CCDC102A: variants seen among roughly 807,000 people sequenced by gnomAD.
The protein encoded by CCDC102A is coiled-coil domain-containing protein 102A.
In CCDC102A, 40 loss-of-function variants were observed where a neutral mutation model predicts 55.5. The observed-to-expected ratio is 0.72, with a 90% CI of 0.56 to 0.94. The LOEUF is 0.94. Ranked by LOEUF, CCDC102A falls within the 40% of genes least tolerant of loss-of-function variation. The pLI, the probability that CCDC102A is intolerant of heterozygous loss-of-function variation, is 0.00. For synonymous variants in CCDC102A, 323 were observed against 339.0 expected (o/e 0.95, Z 0.52); for missense variants, 779 against 768.6 (o/e 1.01, Z -0.16).
chr16:57,520,366 T>G (rs1297780992), intron 4 of CCDC102A, among the ~76,000 whole-genome samples: 1 of 152,098 alleles, frequency 6.6e-6, no homozygotes, highest in African/African-American at 2.4e-5. Context: ...AAATGCCACC[T>G]TCTTAGGCCT....
intron 5 of CCDC102A, 133 bp downstream of exon 5, chr16:57,518,492 G>A: frequency 1.2e-6 from 1 of 829,688 alleles, no homozygotes; most frequent in South Asian, 1.6e-5. Context: ...TGCAGATCAG[G>A]ACACCATTGG....
intron 2 of CCDC102A, among the ~76,000 whole-genome samples, chr16:57,527,916 C>A (rs560814566): frequency 1.3e-5 from 2 of 152,348 alleles, no homozygotes; most frequent in Non-Finnish European, 2.9e-5. Context: ...TTTGCACAGG[C>A]AGTTTCTATC....
At chr16:57,525,428 T>C (rs1337052389) in intron 3 of CCDC102A, among the ~76,000 whole-genome samples, 9 of 152,150 alleles carry the variant, frequency 5.9e-5, no homozygotes, top group African/African-American at 2.2e-4. Flanking sequence ...TATCATCTCT[T>C]CACTGGTGAC....
intron 2 of CCDC102A, among the ~76,000 whole-genome samples, chr16:57,527,780 T>C (rs1474781415): frequency 1.3e-5 from 2 of 152,186 alleles, no homozygotes; most frequent in African/African-American, 4.8e-5. Flanking sequence ...TCTTAGAGGG[T>C]TGCTGTGGGG....
intron 4 of CCDC102A, 35 bp from the exon 5 acceptor site, chr16:57,518,776 C>T (rs2146701414): frequency 1.3e-6 from 2 of 1,528,926 alleles, no homozygotes; most frequent in Non-Finnish European, 8.9e-7. Context: ...TCATGAGAAC[C>T]ACCAGGATAT....
rs1330245397 is a variant in CCDC102A at position 57,524,592 on chromosome 16, T to TAG, written c.812+1308_812+1309insCT. Among the ~76,000 whole-genome samples the TAG allele has an allele frequency of 3.5e-5, 5 of 142,080 alleles. No homozygotes were observed. In the East Asian group the frequency reaches 7.8e-4, roughly 22 times the overall value. 93.2% of individuals were successfully genotyped at this position (142,080 alleles called of 152,430 possible). Reference sequence around the variant, plus strand: ...GCTCTGTCTAAAAAAAATATATATATATATAGAGAGAGAGACAGGGTCTTG... The same window carrying TAG: ...GCTCTGTCTAAAAAAAATATATATATAGATATAGAGAGAGAGACAGGGTCTTG... On this transcript the variant is annotated intron_variant, in intron 3 of 8. Coordinates refer to ENST00000258214, the MANE Select transcript of CCDC102A (RefSeq NM_033212.4).
At chr16:57,515,318 T>G in intron 8 of CCDC102A, 23 bp downstream of exon 8, 1 of 1,453,292 alleles carries the variant, frequency 6.9e-7, no homozygotes, top group Non-Finnish European at 9.5e-7. Context: ...CTGCCCTGTT[T>G]CTGTTCCCTG....
At chr16:57,515,958 CCAT>C (rs1294288703) in intron 7 of CCDC102A, among the ~76,000 whole-genome samples, 2 of 152,076 alleles carry the variant, frequency 1.3e-5, no homozygotes, top group African/African-American at 2.4e-5. Flanking sequence ...ACCCATCCAG[CCAT>C]CATCTGTTCA....
chr16:57,515,301 GA>G, intron 8 of CCDC102A, 39 bp downstream of exon 8: 1 of 1,279,084 alleles, frequency 7.8e-7, no homozygotes, highest in South Asian at 1.3e-5. Context: ...TCCCTGGCTG[GA>G]AGTCTCTGCC....
chr16:57,536,259 C>T (rs2032385238), intron 1 of CCDC102A, among the ~76,000 whole-genome samples: 1 of 152,110 alleles, frequency 6.6e-6, no homozygotes, highest in Admixed American at 6.5e-5. Context: ...GCCTCCCCTC[C>T]CCCATCACCC....
chr16:57,526,185 A>C (rs947016516), intron 2 of CCDC102A, 58 bp from the exon 3 acceptor site: 40 of 1,326,630 alleles, frequency 3.0e-5, no homozygotes, highest in Non-Finnish European at 3.8e-5. Context: ...CCTGGGTCTG[A>C]GATCAGCTTG....
chr16:57,530,859 C>T (rs774082018), intron 1 of CCDC102A, among the ~76,000 whole-genome samples: 8 of 151,980 alleles, frequency 5.3e-5, no homozygotes, highest in Non-Finnish European at 1.0e-4. Context: ...CTGCTTGGCG[C>T]TCTGTCACCC....
chr16:57,513,388 C>G (rs2031898496), intron 8 of CCDC102A, among the ~76,000 whole-genome samples: 1 of 152,230 alleles, frequency 6.6e-6, no homozygotes, highest in South Asian at 2.1e-4. Context: ...GAAGGAAATG[C>G]CGATCCCTCC....
intron 2 of CCDC102A, among the ~76,000 whole-genome samples, chr16:57,528,145 C>T (rs1293825324): frequency 6.6e-6 from 1 of 152,190 alleles, no homozygotes; most frequent in African/African-American, 2.4e-5. Flanking sequence ...CAGCTAATTC[C>T]TACTCATCAT....
At chr16:57,525,067 G>A (rs934521017) in intron 3 of CCDC102A, among the ~76,000 whole-genome samples, 12 of 150,278 alleles carry the variant, frequency 8.0e-5, no homozygotes, top group South Asian at 2.1e-4. Context: ...CCTTGTCCAC[G>A]CTCATCGTTT....
Position 57,528,946 on chromosome 16 carries a change from G to C in CCDC102A, c.232C>G (p.Arg78Gly). Reference sequence around the variant, plus strand: ...CGCGCCCGCGCCTCCTCCAGCTCCCGCAGCCGCAGCTCCTCGCGGCTCTCC... The same window carrying C: ...CGCGCCCGCGCCTCCTCCAGCTCCCCCAGCCGCAGCTCCTCGCGGCTCTCC... ...DWESREELRL[R>G]ELEEARARAA... Residue 78 changes from arginine to glycine, a missense_variant, in exon 2 of 9, where the codon CGG becomes GGG. Physicochemically the swap from Arg to Gly is moderately radical, Grantham distance 125. Coordinates refer to ENST00000258214, the MANE Select transcript of CCDC102A (RefSeq NM_033212.4). The C allele has an allele frequency of 7.2e-7, 1 of 1,384,862 alleles. No individual in the cohort carries two copies. The allele number at this position is 1,384,862 out of a possible 1,614,324, so 85.8% of individuals were successfully genotyped here.
chr16:57,512,517 C>T lies in CCDC102A; in HGVS notation c.*224G>A, dbSNP rs1046775294. The T allele has an allele frequency of 1.2e-4, 55 of 450,318 alleles. No homozygotes were observed. The highest frequency in any genetic ancestry group is 1.8e-4 in the Non-Finnish European group (48 of 263,112). 27.9% of individuals were successfully genotyped at this position (450,318 alleles called of 1,614,324 possible). ...GGGTCCAAAGACTTCTGGGTGTGCG[C>T]GCGCGCGCGCGCGTGTGTGTATATA... On this transcript the variant is annotated 3_prime_UTR_variant, in exon 9 of 9. Transcript: ENST00000258214.
chr16:57,529,419 G>A lies in CCDC102A; in HGVS notation c.-147-95C>T. On this transcript the variant is annotated intron_variant, in intron 1 of 8. Transcript: ENST00000258214. The surrounding 1 kb of genome is among the most constrained non-coding windows in gnomAD (Gnocchi z 4.1). ...CTGGCGGAGGGAACAGAACGGCCAAGGTAGGAGGAGAGAGTTCTGTTCCAG... is the reference window on the plus strand; with the variant it reads ...CTGGCGGAGGGAACAGAACGGCCAAAGTAGGAGGAGAGAGTTCTGTTCCAG... 3.8e-6 allele frequency: 1 copy of A among 261,568 alleles called. No individual in the cohort carries two copies. The highest frequency in any genetic ancestry group is 6.5e-6 in the Non-Finnish European group (1 of 153,580). The allele number at this position is 261,568 out of a possible 1,614,324, so 16.2% of individuals were successfully genotyped here.
At chr16:57,515,312 CCT>C in intron 8 of CCDC102A, 27 bp downstream of exon 8, 1 of 1,380,766 alleles carries the variant, frequency 7.2e-7, no homozygotes, top group Middle Eastern at 1.8e-4. Context: ...AAGTCTCTGC[CCT>C]GTTTCTGTTC....
Sources: gnomAD v4.1 joint callset for allele counts (sites outside exome capture counted in the v4.1 genomes callset) on GRCh38, gnomAD v4.1.1 for gene constraint, Gnocchi (gnomAD v3.1) non-coding constraint, MANE v1.5 for transcripts, NCBI Gene and HGNC (gene_info 2026-07-23, HGNC 2026-07-21) for gene names.